Variants in GAS2 observed in about 807,000 individuals in gnomAD.
GAS2 encodes growth arrest specific 2, also known as growth arrest-specific protein 2.
Under a neutral mutation model 37.5 loss-of-function variants are expected in GAS2, and 20 were observed. The ratio of observed to expected loss-of-function variants is 0.53; its 90% CI spans 0.37 to 0.77. GAS2 has a LOEUF of 0.77. Ranked by LOEUF, GAS2 falls within the 30% of genes least tolerant of loss-of-function variation. The pLI is 0.00. For missense variants in GAS2, 336 were observed against 373.4 expected (o/e 0.90, Z 0.82); for synonymous variants, 144 against 132.2 (o/e 1.09, Z -0.61).
At chr11:22,643,721 G>T (rs1848656055) in intron 1 of GAS2, among the ~76,000 whole-genome samples, 1 of 151,554 alleles carries the variant, frequency 6.6e-6, no homozygotes, top group African/African-American at 2.4e-5. Context: ...ATACGGACCG[G>T]GTTCTGTTTT....
At chr11:22,667,588 T>TG (rs1251393431) in intron 1 of GAS2, among the ~76,000 whole-genome samples, 1 of 152,108 alleles carries the variant, frequency 6.6e-6, no homozygotes, top group Non-Finnish European at 1.5e-5. Flanking sequence ...TGAAATTGTT[T>TG]GGGGAACAAA....
At chr11:22,641,301 T>A (rs1848626031) in intron 1 of GAS2, among the ~76,000 whole-genome samples, 1 of 33,750 alleles carries the variant, frequency 3.0e-5, no homozygotes, top group African/African-American at 1.2e-4. Context: ...TATATATATA[T>A]CTTTATATAT....
chr11:22,635,275 C>G lies in GAS2; in HGVS notation c.-21+9462C>G, dbSNP rs78601289. ...CACACTATGGCCTCCCACATGCCAG[C>G]ATAAGCAGCAGCTCTAGTGGAGATC... On this transcript the variant is annotated intron_variant, in intron 1 of 5. Transcript: ENST00000528582. Among the ~76,000 whole-genome samples, 402 of 152,310 alleles carry G rather than the reference C, an allele frequency of 2.6e-3. 3 individuals carry two copies. The highest frequency in any genetic ancestry group is 9.2e-3 in the African/African-American group (383 of 41,568).
intron 7 of GAS2, among the ~76,000 whole-genome samples, chr11:22,808,447 T>C (rs1564898158): frequency 6.6e-6 from 1 of 152,224 alleles, no homozygotes; most frequent in Non-Finnish European, 1.5e-5. Flanking sequence ...TCCTGTATTA[T>C]TCATATTCAG....
chr11:22,704,767 G>A (rs920015004), intron 3 of GAS2, among the ~76,000 whole-genome samples: 3 of 151,498 alleles, frequency 2.0e-5, no homozygotes, highest in African/African-American at 7.3e-5. Flanking sequence ...AAAATGCAGT[G>A]GGCAGATTAA....
At chr11:22,745,163 A>C (rs1853321443) in intron 5 of GAS2, among the ~76,000 whole-genome samples, 1 of 151,822 alleles carries the variant, frequency 6.6e-6, no homozygotes, top group Non-Finnish European at 1.5e-5. Context: ...AGCAAAAGCA[A>C]TTCTAAGCAA....
intron 7 of GAS2, among the ~76,000 whole-genome samples, chr11:22,767,596 G>T (rs1305949208): frequency 6.6e-6 from 1 of 152,106 alleles, no homozygotes; most frequent in Non-Finnish European, 1.5e-5. Context: ...TATGCATAAT[G>T]TGTTGTGTTC....
intron 3 of GAS2, among the ~76,000 whole-genome samples, chr11:22,716,023 G>A (rs1851662293): frequency 6.6e-6 from 1 of 152,156 alleles, no homozygotes; most frequent in Non-Finnish European, 1.5e-5. Context: ...TCATACTAGG[G>A]ATGCAGGGGT....
intron 5 of GAS2, among the ~76,000 whole-genome samples, chr11:22,744,575 A>T (rs1370173956): frequency 6.6e-6 from 1 of 152,136 alleles, no homozygotes; most frequent in African/African-American, 2.4e-5. Flanking sequence ...GATATTGAAA[A>T]AACTTTGGAT....
chr11:22,734,282 C>T (rs2134206561), intron 4 of GAS2, among the ~76,000 whole-genome samples: 2 of 151,828 alleles, frequency 1.3e-5, no homozygotes, highest in Admixed American at 6.6e-5. Context: ...GTTACTTGAA[C>T]TTTGTACTTA....
intron 7 of GAS2, among the ~76,000 whole-genome samples, chr11:22,768,275 A>G (rs906553766): frequency 2.0e-5 from 3 of 152,244 alleles, no homozygotes; most frequent in African/African-American, 7.2e-5. Flanking sequence ...TAAAACAACA[A>G]CAACAAAGCA....
intron 3 of GAS2, among the ~76,000 whole-genome samples, chr11:22,708,652 G>A (rs1851248523): frequency 6.6e-6 from 1 of 152,024 alleles, no homozygotes; most frequent in Non-Finnish European, 1.5e-5. Flanking sequence ...AATCATATTT[G>A]TATTTATTCA....
At chr11:22,811,764 G>C (rs765108876) in intron 7 of GAS2, 34 bp from the exon 8 acceptor site, 1 of 1,594,872 alleles carries the variant, frequency 6.3e-7, no homozygotes. Flanking sequence ...AAGAATTCTC[G>C]GAATTTAACA....
intron 3 of GAS2, among the ~76,000 whole-genome samples, chr11:22,716,260 A>G (rs1002026285): frequency 8.5e-5 from 13 of 152,204 alleles, no homozygotes; most frequent in African/African-American, 3.1e-4. Flanking sequence ...TCCTCTGAGA[A>G]CTGGAACAAG....
At chr11:22,716,386 T>A (rs1590698618) in intron 3 of GAS2, among the ~76,000 whole-genome samples, 1 of 152,056 alleles carries the variant, frequency 6.6e-6, no homozygotes, top group East Asian at 1.9e-4. Flanking sequence ...ATGACCATAA[T>A]CCCACCACTT....
At chr11:22,803,965 C>T (rs4359205) in intron 7 of GAS2, among the ~76,000 whole-genome samples, 4,999 of 151,548 alleles carry the variant, frequency 0.033, 278 homozygotes, top group African/African-American at 0.11. Flanking sequence ...AAGGGACATA[C>T]AGGTAAATCA....
chr11:22,709,697 AAG>A lies in GAS2; in HGVS notation c.268-16593_268-16592del, dbSNP rs369427338. ...AAGGACTATAAATCATGCTGCTATA[AAG>A]ACACATGCACACGTATGTTTATCGT... On this transcript the variant is annotated intron_variant, in intron 3 of 7. Transcript: ENST00000454584. Among the ~76,000 whole-genome samples, 29 of 152,308 alleles carry A rather than the reference AAG, an allele frequency of 1.9e-4. No homozygotes were observed. The South Asian group carries it at 5.2e-3, about 27-fold the overall frequency.
intron 1 of GAS2, among the ~76,000 whole-genome samples, chr11:22,651,207 G>C (rs1848771152): frequency 6.6e-6 from 1 of 151,948 alleles, no homozygotes; most frequent in Non-Finnish European, 1.5e-5. Context: ...TGAAATTCTG[G>C]GTTGAAAATT....
intron 7 of GAS2, among the ~76,000 whole-genome samples, chr11:22,780,894 A>G (rs929618501): frequency 6.6e-6 from 1 of 152,314 alleles, no homozygotes; most frequent in Admixed American, 6.5e-5. Context: ...ATTAAATTCA[A>G]TCAGCCTTCT....
Sources: gnomAD v4.1 joint callset for allele counts (sites outside exome capture counted in the v4.1 genomes callset) on GRCh38, gnomAD v4.1.1 for gene constraint, MANE v1.5 for transcripts, NCBI Gene and HGNC (gene_info 2026-07-23, HGNC 2026-07-21) for gene names.